The following KCNK1 variants were observed in gnomAD, a reference collection of about 807,000 sequenced individuals.
KCNK1 encodes the protein potassium channel subfamily K member 1.
A neutral mutation model predicts 22.2 loss-of-function variants in KCNK1; 10 were observed. The ratio of observed to expected loss-of-function variants is 0.45; its 90% CI spans 0.28 to 0.76. The LOEUF is 0.76. Ranked by LOEUF, KCNK1 falls within the 30% of genes least tolerant of loss-of-function variation. KCNK1 has a pLI of 0.14. For synonymous variants in KCNK1, 200 were observed against 186.4 expected (o/e 1.07, Z -0.60); for missense variants, 378 against 421.0 (o/e 0.90, Z 0.89).
intron 1 of KCNK1, among the ~76,000 whole-genome samples, chr1:233,663,894 C>T (rs1471950612): frequency 2.0e-5 from 3 of 151,908 alleles, no homozygotes; most frequent in African/African-American, 7.3e-5. Context: ...TGCAATGGCG[C>T]GATCTCAGCT....
chr1:233,644,991 A>G (rs1044866580), intron 1 of KCNK1, among the ~76,000 whole-genome samples: 6 of 152,070 alleles, frequency 3.9e-5, no homozygotes, highest in Admixed American at 1.3e-4. Context: ...TCAGGAGATT[A>G]AGACCATCCT....
At chr1:233,663,464 C>G (rs1346761024) in intron 1 of KCNK1, among the ~76,000 whole-genome samples, 3 of 152,066 alleles carry the variant, frequency 2.0e-5, no homozygotes, top group African/African-American at 4.8e-5. Context: ...AATTCCTAAG[C>G]TAAAATATTT....
At chr1:233,658,828 G>T (rs1658343924) in intron 1 of KCNK1, among the ~76,000 whole-genome samples, 1 of 152,212 alleles carries the variant, frequency 6.6e-6, no homozygotes. Context: ...TGGGACACCT[G>T]TATGAGACAC....
At chr1:233,619,346 G>C (rs1220300075) in intron 1 of KCNK1, among the ~76,000 whole-genome samples, 1 of 152,016 alleles carries the variant, frequency 6.6e-6, no homozygotes, top group Non-Finnish European at 1.5e-5. Context: ...TGGTAACCCT[G>C]GTGCCTTTAG....
In KCNK1 at chr1:233,666,611, G is replaced by A; in HGVS notation, c.372G>A (p.Val124=). 6.2e-7 allele frequency: 1 copy of A among 1,610,000 alleles called. No homozygotes were observed. Among genetic ancestry groups the A allele is most frequent in the South Asian group, 1.1e-5 (1 of 90,420 alleles). ...VLSTTGYGHT[V]PLSDGGKAFC... is the part of the protein sequence containing the mutation. ...TCCTTGCAGGTTATGGCCACACCGT[G>A]CCCTTGTCAGATGGAGGTAAGGCCT... Residue 124 remains valine, a synonymous_variant, in exon 2 of 3, where the codon GTG becomes GTA. Transcript: ENST00000366621.
intron 1 of KCNK1, among the ~76,000 whole-genome samples, chr1:233,643,708 G>A (rs1658042019): frequency 6.6e-6 from 1 of 152,164 alleles, no homozygotes; most frequent in South Asian, 2.1e-4. Flanking sequence ...CATGAATGTG[G>A]TAGGGCTGGA....
chr1:233,651,209 G>A (rs1260158089), intron 1 of KCNK1, among the ~76,000 whole-genome samples: 1 of 152,130 alleles, frequency 6.6e-6, no homozygotes, highest in Non-Finnish European at 1.5e-5. Flanking sequence ...TGTTCTTGAA[G>A]GAAAAGAAAT....
intron 1 of KCNK1, among the ~76,000 whole-genome samples, chr1:233,617,937 GAAA>G (rs990901063): frequency 6.6e-6 from 1 of 150,576 alleles, no homozygotes; most frequent in Non-Finnish European, 1.5e-5. Context: ...CTTGGAGGGG[GAAA>G]AAAAAAGAAC....
chr1:233,649,945 T>G (rs1658169823), intron 1 of KCNK1: 1 of 533,312 alleles, frequency 1.9e-6, no homozygotes, highest in African/African-American at 1.9e-5. Flanking sequence ...TGATGGGTCC[T>G]GAGGGTTTTA....
At chr1:233,667,505 C>CG (rs1379044477) in intron 2 of KCNK1, among the ~76,000 whole-genome samples, 1 of 151,738 alleles carries the variant, frequency 6.6e-6, no homozygotes, top group East Asian at 1.9e-4. Flanking sequence ...CCGAGGCGGG[C>CG]GGATCACGAG....
intron 1 of KCNK1, among the ~76,000 whole-genome samples, chr1:233,627,645 C>T (rs752190636): frequency 1.3e-5 from 2 of 152,150 alleles, no homozygotes; most frequent in Non-Finnish European, 2.9e-5. Context: ...TGAGCTGAGC[C>T]GTTTCGCACC....
chr1:233,670,744 A>G (rs547116009), intron 2 of KCNK1, among the ~76,000 whole-genome samples: 1 of 152,308 alleles, frequency 6.6e-6, no homozygotes, highest in South Asian at 2.1e-4. Context: ...TTGGGTGGGG[A>G]CACAGCCAAA....
chr1:233,671,316 CCTT>C lies in KCNK1; in HGVS notation c.800_802del (p.Phe267del). ...ATTGCCATGTTGGTAGTTCTGGAAACCTTCTGTGAACTCCATGAGCTGAAAAAA... is the reference window on the plus strand; with the variant it reads ...ATTGCCATGTTGGTAGTTCTGGAAACCTGTGAACTCCATGAGCTGAAAAAA... On this transcript the variant is annotated inframe_deletion, in exon 3 of 3. Transcript: ENST00000366621. The C allele has an allele frequency of 6.2e-7, 1 of 1,614,112 alleles. No individual in the cohort carries two copies. The highest frequency in any genetic ancestry group is 8.5e-7 in the Non-Finnish European group (1 of 1,179,980).
At position 233,618,651 on chromosome 1, in the gene KCNK1, C is replaced by T. The variant is rs1049280461; in HGVS notation, c.355+4125C>T. 5.3e-5 allele frequency among the ~76,000 whole-genome samples: 8 copies of T among 152,132 alleles called. No individual in the cohort carries two copies. The South Asian group carries it at 8.3e-4, about 16-fold the overall frequency. On this transcript the variant is annotated intron_variant, in intron 1 of 2. Coordinates refer to ENST00000366621, the MANE Select transcript of KCNK1 (RefSeq NM_002245.4). ...CTGTAATCCCAGCACTTTGGGAGGCCGAGGCAGGCAGATCACGAGGTCAAG... is the reference window on the plus strand; with the variant it reads ...CTGTAATCCCAGCACTTTGGGAGGCTGAGGCAGGCAGATCACGAGGTCAAG...
chr1:233,620,997 G>A (rs139145825), intron 1 of KCNK1, among the ~76,000 whole-genome samples: 6 of 152,276 alleles, frequency 3.9e-5, no homozygotes, highest in African/African-American at 1.4e-4. Flanking sequence ...TTAATAGGTT[G>A]AACAACTTCT....
intron 1 of KCNK1, among the ~76,000 whole-genome samples, chr1:233,643,994 C>T (rs931795226): frequency 6.6e-5 from 10 of 152,166 alleles, no homozygotes; most frequent in African/African-American, 2.2e-4. Context: ...CTTAAACAGA[C>T]CAGTTACTGT....
chr1:233,657,664 A>G (rs1319706608), intron 1 of KCNK1, among the ~76,000 whole-genome samples: 1 of 151,382 alleles, frequency 6.6e-6, no homozygotes, highest in Non-Finnish European at 1.5e-5. Flanking sequence ...GGAAAGACGA[A>G]AGAAAAGAAA....
At position 233,664,519 on chromosome 1, in the gene KCNK1, G is replaced by C. The variant is rs537599477; in HGVS notation, c.356-2076G>C. Reference sequence around the variant, plus strand: ...ATTCAGGAGCCAACACTCAGAACAAGAGTAGTTCTTAACCATTTGAGGACG... The same window carrying C: ...ATTCAGGAGCCAACACTCAGAACAACAGTAGTTCTTAACCATTTGAGGACG... On this transcript the variant is annotated intron_variant, in intron 1 of 2. Coordinates refer to ENST00000366621, the MANE Select transcript of KCNK1 (RefSeq NM_002245.4). 2.0e-5 allele frequency among the ~76,000 whole-genome samples: 3 copies of C among 152,274 alleles called. No individual in the cohort carries two copies. The South Asian group carries it at 6.2e-4, about 32-fold the overall frequency.
chr1:233,654,799 G>C lies in KCNK1; in HGVS notation c.356-11796G>C, dbSNP rs528289347. Among the ~76,000 whole-genome samples the C allele has an allele frequency of 7.9e-5, 12 of 152,326 alleles. No individual in the cohort carries two copies. The South Asian group carries it at 2.3e-3, about 29-fold the overall frequency. Reference sequence around the variant, plus strand: ...AAGGCACATTGGGAAAGAACACCAAGGGTGCGGCCAAATGACCATCTGATA... The same window carrying C: ...AAGGCACATTGGGAAAGAACACCAACGGTGCGGCCAAATGACCATCTGATA... On this transcript the variant is annotated intron_variant, in intron 1 of 2. Transcript: ENST00000366621.
Sources: gnomAD v4.1 joint callset for allele counts (sites outside exome capture counted in the v4.1 genomes callset) on GRCh38, gnomAD v4.1.1 for gene constraint, MANE v1.5 for transcripts, NCBI Gene and HGNC (gene_info 2026-07-23, HGNC 2026-07-21) for gene names.